Variants in EPHA6 observed in about 807,000 individuals in gnomAD.
EPHA6 encodes ephrin type-A receptor 6.
A neutral mutation model predicts 112.0 loss-of-function variants in EPHA6; 50 were observed. The observed-to-expected ratio is 0.45, with a 90% CI of 0.36 to 0.56. EPHA6 has a LOEUF of 0.56. EPHA6 is among the 20% of genes least tolerant of loss of function. EPHA6 has a pLI of 0.00. For synonymous variants in EPHA6, 529 were observed against 490.7 expected, an observed-to-expected ratio of 1.08 and a Z score of -1.03; for missense variants, 1,280 against 1,417.4, an observed-to-expected ratio of 0.90 and a Z score of 1.56.
intron 11 of EPHA6, among the ~76,000 whole-genome samples, chr3:97,558,073 A>G (rs2107140625): frequency 6.6e-6 from 1 of 152,090 alleles, no homozygotes; most frequent in Non-Finnish European, 1.5e-5. Flanking sequence ...TCCGGCAATC[A>G]ATATAAATAA....
chr3:97,249,046 TA>T (rs200772346), intron 5 of EPHA6, among the ~76,000 whole-genome samples: 15,821 of 138,714 alleles, frequency 0.11, 1,751 homozygotes, highest in African/African-American at 0.26. Flanking sequence ...CTATTCAAAG[TA>T]AAAAAAAAAA....
intron 10 of EPHA6, among the ~76,000 whole-genome samples, chr3:97,528,223 G>T (rs1052352997): frequency 1.3e-5 from 2 of 152,068 alleles, no homozygotes; most frequent in Non-Finnish European, 2.9e-5. Flanking sequence ...CCTGAGGTTC[G>T]TATTATTTCC....
At chr3:97,516,469 C>T (rs2092450087) in intron 10 of EPHA6, among the ~76,000 whole-genome samples, 1 of 152,124 alleles carries the variant, frequency 6.6e-6, no homozygotes, top group African/African-American at 2.4e-5. Flanking sequence ...AGAAGGTATG[C>T]TATATATCAG....
At chr3:96,936,483 G>T (rs925584073) in intron 2 of EPHA6, among the ~76,000 whole-genome samples, 1 of 151,484 alleles carries the variant, frequency 6.6e-6, no homozygotes, top group Non-Finnish European at 1.5e-5. Context: ...AAGCTCTTTT[G>T]TGTATATTAT....
intron 2 of EPHA6, among the ~76,000 whole-genome samples, chr3:96,950,670 C>G (rs538363499): frequency 2.6e-5 from 4 of 152,156 alleles, no homozygotes; most frequent in African/African-American, 9.6e-5. Flanking sequence ...AACTCTTGAG[C>G]CTCCTGATTC....
chr3:97,387,055 T>A lies in EPHA6; in HGVS notation c.1607-18095T>A, dbSNP rs542066728. On this transcript the variant is annotated intron_variant, in intron 5 of 17. Coordinates refer to ENST00000389672, the MANE Select transcript of EPHA6 (RefSeq NM_001080448.3). ...GAGGCTGCACAGAGCAGAGGGGCCC[T>A]CGACCTGGCCCACAAAACCATTCTT... Among the ~76,000 whole-genome samples, 3 of 152,326 alleles carry A rather than the reference T, an allele frequency of 2.0e-5. No individual in the cohort carries two copies. The South Asian group carries it at 6.2e-4, about 32-fold the overall frequency.
At chr3:97,656,662 T>C (rs2094139673) in intron 14 of EPHA6, among the ~76,000 whole-genome samples, 1 of 151,930 alleles carries the variant, frequency 6.6e-6, no homozygotes, top group Non-Finnish European at 1.5e-5. Context: ...ATCAGGCTTA[T>C]ATAGGTCAAA....
chr3:97,175,927 T>C (rs2076824053), intron 3 of EPHA6, among the ~76,000 whole-genome samples: 1 of 151,912 alleles, frequency 6.6e-6, no homozygotes, highest in African/African-American at 2.4e-5. Flanking sequence ...TAGATAGGCC[T>C]TCCAGTACTA....
At chr3:97,738,953 C>T (rs544594766) in intron 16 of EPHA6, among the ~76,000 whole-genome samples, 2 of 152,188 alleles carry the variant, frequency 1.3e-5, no homozygotes, top group African/African-American at 2.4e-5. Flanking sequence ...GGTTCTCCTG[C>T]TCCACCCTCT....
intron 2 of EPHA6, among the ~76,000 whole-genome samples, chr3:96,940,072 T>A (rs1448968498): frequency 6.6e-6 from 1 of 152,206 alleles, no homozygotes; most frequent in Non-Finnish European, 1.5e-5. Context: ...AAAAAAAATG[T>A]ATATTCTGTT....
intron 2 of EPHA6, among the ~76,000 whole-genome samples, chr3:96,968,334 T>C (rs2042199508): frequency 6.6e-6 from 1 of 151,542 alleles, no homozygotes; most frequent in African/African-American, 2.4e-5. Context: ...TGGATTTAAC[T>C]GTAAACTTTA....
At chr3:96,822,066 T>C (rs1205225625) in intron 1 of EPHA6, among the ~76,000 whole-genome samples, 2 of 151,998 alleles carry the variant, frequency 1.3e-5, no homozygotes, top group African/African-American at 4.8e-5. Flanking sequence ...TGTAAATTGC[T>C]TCACAAGACT....
intron 3 of EPHA6, among the ~76,000 whole-genome samples, chr3:97,194,671 G>A (rs1339777843): frequency 4.0e-5 from 6 of 150,230 alleles, no homozygotes; most frequent in Non-Finnish European, 8.9e-5. Flanking sequence ...GTGTGTTGAA[G>A]TTGCCATCTA....
At chr3:97,602,613 A>G (rs1197130325) in intron 12 of EPHA6, among the ~76,000 whole-genome samples, 1 of 152,086 alleles carries the variant, frequency 6.6e-6, no homozygotes, top group Non-Finnish European at 1.5e-5. Flanking sequence ...TCAGTGCATC[A>G]GTAACCTTAC....
intron 14 of EPHA6, among the ~76,000 whole-genome samples, chr3:97,670,272 A>G (rs994142141): frequency 2.0e-5 from 3 of 152,180 alleles, no homozygotes; most frequent in Admixed American, 6.5e-5. Context: ...CAGGATAAAA[A>G]ATGGCTTCCC....
At chr3:97,630,772 G>A (rs1349077247) in intron 13 of EPHA6, among the ~76,000 whole-genome samples, 1 of 151,956 alleles carries the variant, frequency 6.6e-6, no homozygotes, top group Non-Finnish European at 1.5e-5. Context: ...CCCTTTACAT[G>A]ACTTGCCCCG....
intron 5 of EPHA6, among the ~76,000 whole-genome samples, chr3:97,273,075 G>A (rs1013481124): frequency 6.6e-6 from 1 of 152,248 alleles, no homozygotes; most frequent in Non-Finnish European, 1.5e-5. Flanking sequence ...GTTGTTAGAA[G>A]AAACGTTTGT....
intron 15 of EPHA6, among the ~76,000 whole-genome samples, chr3:97,734,671 A>G (rs1368516350): frequency 6.6e-6 from 1 of 152,050 alleles, no homozygotes; most frequent in Non-Finnish European, 1.5e-5. Context: ...CCAATAGTGT[A>G]AATTTTAAAA....
At chr3:97,395,727 C>A (rs926972326) in intron 5 of EPHA6, among the ~76,000 whole-genome samples, 1 of 151,082 alleles carries the variant, frequency 6.6e-6, no homozygotes, top group Non-Finnish European at 1.5e-5. Context: ...CACACACATT[C>A]CTGTCCTAAA....
Sources: allele counts gnomAD v4.1 joint callset (sites outside exome capture counted in the v4.1 genomes callset), GRCh38; gene constraint gnomAD v4.1.1; transcripts MANE v1.5; gene names NCBI Gene and HGNC (gene_info 2026-07-23, HGNC 2026-07-21).